The following FOCAD variants were observed in gnomAD, a reference collection of about 807,000 sequenced individuals.
The protein encoded by FOCAD is focadhesin, also known as KIAA1797.
FOCAD carries 198 observed loss-of-function variants against 225.6 expected under a neutral mutation model. The observed-to-expected ratio is 0.88, with a 90% CI of 0.78 to 0.99. The LOEUF (loss-of-function observed/expected upper bound fraction) is 0.99. Ranked by LOEUF, FOCAD falls within the 50% of genes least tolerant of loss-of-function variation. FOCAD has a pLI of 0.00. For missense variants in FOCAD, 2,713 were observed against 2,123.6 expected (o/e 1.28, Z -5.46); for synonymous variants, 897 against 755.0 (o/e 1.19, Z -3.08).
At chr9:20,680,809 CATTT>C (rs1249936387), upstream of FOCAD, among the ~76,000 whole-genome samples, 1 of 152,070 alleles carries the variant, frequency 6.6e-6, no homozygotes, top group African/African-American at 2.4e-5. Context: ...TCTATATATA[CATTT>C]ATTTATTAGA....
Position 20,988,403 on chromosome 9 carries a change from T to A in FOCAD, c.4978T>A (p.Ser1660Thr), listed in dbSNP as rs200325595. ...TAGAAATGTTGCTTACCAGTCAACATCCTTTCACAATACGGCTCTTGACAA... is the reference window on the plus strand; with the variant it reads ...TAGAAATGTTGCTTACCAGTCAACAACCTTTCACAATACGGCTCTTGACAA... ...YIRNVAYQST[S>T]FHNTALDKAL... The change falls in exon 41 of 44, where the codon TCC becomes ACC. Residue 1660 changes from serine to threonine, a missense_variant. Transcript: ENST00000338382. The A allele has an allele frequency of 2.9e-5, 46 of 1,608,390 alleles. No individual in the cohort carries two copies. Among genetic ancestry groups the A allele is most frequent in the Non-Finnish European group, 6.8e-6 (8 of 1,175,764 alleles).
intron 18 of FOCAD, chr9:20,874,470 T>C: frequency 2.0e-6 from 1 of 490,906 alleles, no homozygotes; most frequent in South Asian, 2.8e-5. Context: ...AGATCTGAGA[T>C]TGTATCTAAT....
intron 21 of FOCAD, among the ~76,000 whole-genome samples, chr9:20,897,597 C>T (rs1054542836): frequency 6.6e-6 from 1 of 151,676 alleles, no homozygotes; most frequent in Non-Finnish European, 1.5e-5. Flanking sequence ...ACTATGTCTA[C>T]TTGCAAACAA....
At chr9:20,903,679 C>T (rs1051286347) in intron 21 of FOCAD, among the ~76,000 whole-genome samples, 4 of 151,890 alleles carry the variant, frequency 2.6e-5, no homozygotes, top group Non-Finnish European at 5.9e-5. Context: ...TTCTCTTTCT[C>T]AAACAGGTCA....
intron 2 of FOCAD, among the ~76,000 whole-genome samples, chr9:20,661,925 G>C (rs565017977): frequency 5.3e-5 from 8 of 151,826 alleles, no homozygotes; most frequent in Admixed American, 5.3e-4. Flanking sequence ...GAAAGAATGA[G>C]GAAATTCTTT....
chr9:20,806,299 T>C (rs1286204680), intron 11 of FOCAD, among the ~76,000 whole-genome samples: 1 of 152,180 alleles, frequency 6.6e-6, no homozygotes, highest in Non-Finnish European at 1.5e-5. Context: ...CTTCCTGCCT[T>C]CTCAAATGGC....
chr9:20,906,693 A>T (rs1206828723), intron 21 of FOCAD, among the ~76,000 whole-genome samples: 1 of 152,072 alleles, frequency 6.6e-6, no homozygotes, highest in Non-Finnish European at 1.5e-5. Context: ...TCTACACAAC[A>T]TGATATTTCT....
chr9:20,729,957 C>G (rs1452522239), intron 4 of FOCAD, among the ~76,000 whole-genome samples: 3 of 152,150 alleles, frequency 2.0e-5, no homozygotes, highest in Admixed American at 6.6e-5. Context: ...TATAAATTAT[C>G]TCTCTAAACA....
At chr9:20,840,310 T>A (rs1234247561) in intron 15 of FOCAD, among the ~76,000 whole-genome samples, 1 of 152,004 alleles carries the variant, frequency 6.6e-6, no homozygotes, top group Non-Finnish European at 1.5e-5. Context: ...ATCTTTCTAT[T>A]TATTTTTGTG....
intron 2 of FOCAD, among the ~76,000 whole-genome samples, chr9:20,672,560 C>G (rs1321052879): frequency 6.6e-6 from 1 of 152,070 alleles, no homozygotes; most frequent in East Asian, 2.0e-4. Flanking sequence ...ACGCCATTCT[C>G]CTGCCTCAGA....
At chr9:20,703,077 G>A (rs1456624537) in intron 1 of FOCAD, among the ~76,000 whole-genome samples, 4 of 149,980 alleles carry the variant, frequency 2.7e-5, no homozygotes, top group African/African-American at 9.8e-5. Flanking sequence ...GTGGAGTAGG[G>A]AAGCAGAAAT....
At position 20,789,513 on chromosome 9, in the gene FOCAD, C is replaced by T. The variant is rs774993937; in HGVS notation, c.1360C>T (p.Leu454Phe). Residue 454 changes from leucine to phenylalanine, a missense_variant, in exon 11 of 44, where the codon CTT (leucine) becomes TTT (phenylalanine). Coordinates refer to ENST00000338382, the MANE Select transcript of FOCAD (RefSeq NM_001375567.1). ...TGCTGTGATCCCTGCGCCTGCCTTT[C>T]TTCTGCTGGCTCACCTCCTTGTTGA... ...ITAVIPAPAF[L>F]LLAHLLVEDK... 1 of 1,613,910 alleles carries T rather than the reference C, an allele frequency of 6.2e-7. No individual in the cohort carries two copies. The highest frequency in any genetic ancestry group is 8.5e-7 in the Non-Finnish European group (1 of 1,180,002).
At chr9:20,755,549 G>A (rs948150846) in intron 5 of FOCAD, among the ~76,000 whole-genome samples, 9 of 152,152 alleles carry the variant, frequency 5.9e-5, no homozygotes, top group Non-Finnish European at 1.0e-4. Context: ...GGTGGGGTGT[G>A]AAGGATGGAA....
chr9:20,784,380 G>A (rs931631418), intron 10 of FOCAD, among the ~76,000 whole-genome samples: 6 of 152,214 alleles, frequency 3.9e-5, no homozygotes, highest in Non-Finnish European at 8.8e-5. Context: ...ATGTTGAAAA[G>A]GCACAGCTGT....
In FOCAD at chr9:20,731,240, AAACAACAACAACAACAACAAC is replaced by A. The variant is rs146322610; in HGVS notation, c.288-8972_288-8952del. 8.6e-5 allele frequency among the ~76,000 whole-genome samples: 13 copies of A among 150,410 alleles called. 1 individual carries two copies. The highest frequency in any genetic ancestry group is 4.3e-4 in the South Asian group (2 of 4,700). On this transcript the variant is annotated intron_variant, in intron 4 of 43. Transcript: ENST00000338382. Reference sequence around the variant, plus strand: ...GTGACACAGCGAGACTTTGTCTCCAAAACAACAACAACAACAACAACAACAACAACAACAACAACAACAAAG... The same window carrying A: ...GTGACACAGCGAGACTTTGTCTCCAAAACAACAACAACAACAACAACAAAG...
At chr9:20,744,273 C>T (rs764185884) in intron 5 of FOCAD, among the ~76,000 whole-genome samples, 1 of 151,968 alleles carries the variant, frequency 6.6e-6, no homozygotes, top group Non-Finnish European at 1.5e-5. Context: ...GGAGCATGGC[C>T]CAGACTTCTG....
At chr9:20,936,844 A>C (rs1036494729) in intron 28 of FOCAD, among the ~76,000 whole-genome samples, 11 of 152,232 alleles carry the variant, frequency 7.2e-5, no homozygotes, top group African/African-American at 2.2e-4. Flanking sequence ...GTGTCAGCCC[A>C]AAATCTCCTT....
Position 20,740,311 on chromosome 9 carries a change from A to G in FOCAD, c.363A>G (p.Glu121=). 6.2e-7 allele frequency: 1 copy of G among 1,611,022 alleles called. No homozygotes were observed. Among genetic ancestry groups the G allele is most frequent in the Non-Finnish European group, 8.5e-7 (1 of 1,177,614 alleles). ...CTCTTAAGGAAGGACAAGGTGGGGA[A>G]AAGAATATTCAGAGTATATATACCA... ...MQALKEGQGG[E]KNIQSIYTIR... is the part of the protein sequence containing the mutation. Residue 121 remains glutamate (E), a synonymous_variant, in exon 5 of 44, where the codon GAA becomes GAG. Transcript: ENST00000338382.
intron 5 of FOCAD, among the ~76,000 whole-genome samples, chr9:20,753,336 C>G (rs1015043497): frequency 2.6e-5 from 4 of 151,792 alleles, no homozygotes; most frequent in African/African-American, 4.8e-5. Flanking sequence ...TACGTCCCAT[C>G]AATACCTAAT....
Sources: allele counts gnomAD v4.1 joint callset (sites outside exome capture counted in the v4.1 genomes callset), GRCh38; gene constraint gnomAD v4.1.1; transcripts MANE v1.5; gene names NCBI Gene and HGNC (gene_info 2026-07-23, HGNC 2026-07-21).